The following SKOR2 variants were observed in gnomAD, a reference collection of about 807,000 sequenced individuals.
SKOR2 encodes the protein SKI family transcriptional corepressor 2.
Under a neutral mutation model 69.1 loss-of-function variants are expected in SKOR2, and 47 were observed. The ratio of observed to expected loss-of-function variants is 0.68; its 90% CI spans 0.54 to 0.87. The LOEUF (loss-of-function observed/expected upper bound fraction) is 0.87. SKOR2 is among the 40% of genes least tolerant of loss of function. The pLI is 0.00. For missense variants in SKOR2, 1,404 were observed against 1,472.2 expected, an observed-to-expected ratio of 0.95 and a Z score of 0.76; for synonymous variants, 717 against 672.6, an observed-to-expected ratio of 1.07 and a Z score of -1.02.
Position 47,249,042 on chromosome 18 carries a change from C to A in SKOR2, c.142G>T (p.Gly48Cys). Residue 48 changes from glycine (G) to cysteine (C), a missense_variant, in exon 2 of 9, where the codon GGC becomes TGC. Transcript: ENST00000425639. ...ATCACCAACGACACGATGGGAATGC[C>A]GTAGAGGATCACCTGGCCCACCTGG... ...PNQVGQVILY[G>C]IPIVSLVIDG... is the part of the protein sequence containing the mutation. 6.5e-7 allele frequency: 1 copy of A among 1,538,728 alleles called. No homozygotes were observed. Among genetic ancestry groups the A allele is most frequent in the East Asian group, 2.4e-5 (1 of 41,098 alleles).
At position 47,248,919 on chromosome 18, in the gene SKOR2, T is replaced by C. The variant is rs1410231181; in HGVS notation, c.265A>G (p.Ile89Val). ...EIHNRRVALG[I>V]TCVQCTPVQL... ...ACCGGCGTGCACTGCACACACGTGA[T>C]GCCCAGTGCCACGCGACGGTTGTGG... Residue 89 changes from isoleucine to valine, a missense_variant, in exon 2 of 9, where the codon ATC becomes GTC. Physicochemically the swap from Ile to Val is conservative, Grantham distance 29. Transcript: ENST00000425639. The surrounding 1 kb of genome is among the most constrained non-coding windows in gnomAD (Gnocchi z 6.4). 1.9e-6 allele frequency: 3 copies of C among 1,574,046 alleles called. No homozygotes were observed. In the South Asian group the frequency reaches 3.4e-5, roughly 18 times the overall value.
chr18:47,249,847 TA>T (rs1486946830), intron 1 of SKOR2, among the ~76,000 whole-genome samples: 1 of 152,220 alleles, frequency 6.6e-6, no homozygotes, highest in Non-Finnish European at 1.5e-5. Context: ...TAATTAGAAT[TA>T]TTTTTTTGAA....
chr18:47,245,615 T>C, intron 2 of SKOR2, 54 bp from the exon 3 acceptor site: 4 of 1,438,128 alleles, frequency 2.8e-6, no homozygotes, highest in South Asian at 1.4e-5. Context: ...AACCATATGC[T>C]AATGTCAACA....
intron 1 of SKOR2, 41 bp from the exon 2 acceptor site, chr18:47,249,271 G>T: frequency 7.0e-7 from 1 of 1,423,232 alleles, no homozygotes; most frequent in Non-Finnish European, 9.2e-7. Context: ...AGCCTTTTCA[G>T]ACTAAAACAG....
rs779762792 is a variant in SKOR2, at chr18:47,248,437, C to A, written c.747G>T (p.Ala249=). The change falls in exon 2 of 9, where the codon GCG becomes GCT. Residue 249 remains alanine, a synonymous_variant. Coordinates refer to ENST00000425639, the MANE Select transcript of SKOR2 (RefSeq NM_001278063.4). This position sits in a 1 kb window ranked among gnomAD's most constrained non-coding sequence, Gnocchi z 6.4. ...AGCTGAGCGGGTGGCAGGCGGGGTGCGCGCCCGGCTGGGGCAGTGCGCGCT... is the reference window on the plus strand; with the variant it reads ...AGCTGAGCGGGTGGCAGGCGGGGTGAGCGCCCGGCTGGGGCAGTGCGCGCT... ...SRKRALPQPG[A]HPACHPLSSV... 9.5e-6 allele frequency: 14 copies of A among 1,474,366 alleles called. No homozygotes were observed. The highest frequency in any genetic ancestry group is 1.8e-4 in the Middle Eastern group (1 of 5,652). The allele number at this position is 1,474,366 out of a possible 1,614,324, so 91.3% of individuals were successfully genotyped here.
intron 8 of SKOR2, among the ~76,000 whole-genome samples, chr18:47,209,313 A>G (rs188259448): frequency 2.8e-4 from 42 of 152,296 alleles, no homozygotes; most frequent in Non-Finnish European, 5.1e-4. Context: ...CTTGCATAAG[A>G]CATTAATGCA....
At chr18:47,250,607 A>G (rs2064308156) in intron 1 of SKOR2, among the ~76,000 whole-genome samples, 1 of 152,026 alleles carries the variant, frequency 6.6e-6, no homozygotes, top group Non-Finnish European at 1.5e-5. Context: ...CCCTCACCCA[A>G]TTTCTTATCC....
At chr18:47,225,021 A>G (rs768099430) in intron 6 of SKOR2, among the ~76,000 whole-genome samples, 1 of 152,112 alleles carries the variant, frequency 6.6e-6, no homozygotes, top group African/African-American at 2.4e-5. Context: ...CCTGCACTTC[A>G]TCTCCCAGAG....
At chr18:47,217,186 G>A (rs1263169721) in intron 7 of SKOR2, among the ~76,000 whole-genome samples, 1 of 152,148 alleles carries the variant, frequency 6.6e-6, no homozygotes, top group Non-Finnish European at 1.5e-5. Context: ...ACCTGTAATA[G>A]TTCCACTATT....
chr18:47,232,587 C>T (rs1016273542), intron 4 of SKOR2, among the ~76,000 whole-genome samples: 1 of 152,200 alleles, frequency 6.6e-6, no homozygotes, highest in African/African-American at 2.4e-5. Flanking sequence ...CCCCAGAGTT[C>T]CCTGCACAGG....
In SKOR2 at chr18:47,247,179, GGT is replaced by G; in HGVS notation, c.2003_2004del (p.His668ProfsTer96). 1 of 1,215,366 alleles carries G rather than the reference GGT, an allele frequency of 8.2e-7. No homozygotes were observed. Among genetic ancestry groups the G allele is most frequent in the Non-Finnish European group, 1.0e-6 (1 of 958,290 alleles). The allele number at this position is 1,215,366 out of a possible 1,614,324, so 75.3% of individuals were successfully genotyped here. On this transcript the variant is annotated frameshift_variant, in exon 2 of 9. Coordinates refer to ENST00000425639, the MANE Select transcript of SKOR2 (RefSeq NM_001278063.4). LOFTEE classifies it high-confidence loss of function. The surrounding 1 kb of genome is among the most constrained non-coding windows in gnomAD (Gnocchi z 6.6). ...AGAAGCGGCGACGGCGGCTGCGGGG[GGT>G]GGTGGTGGTGGTGGTGGTGGTGAGG... ...HHPHHHHHHH[H>X]PPQPPSPLLL...
intron 4 of SKOR2, among the ~76,000 whole-genome samples, chr18:47,242,670 C>T (rs921100157): frequency 4.6e-5 from 7 of 151,760 alleles, no homozygotes; most frequent in Admixed American, 6.6e-5. Context: ...AGTAGATAAA[C>T]GAAATTCAGG....
chr18:47,247,336 GCCACCGCCCGCTTTGCGCC>G lies in SKOR2; in HGVS notation c.1829_1847del (p.Gly610AlafsTer166). 6.8e-7 allele frequency: 1 copy of G among 1,475,056 alleles called. No homozygotes were observed. The highest frequency in any genetic ancestry group is 1.3e-5 in the South Asian group (1 of 78,600). The allele number at this position is 1,475,056 out of a possible 1,614,324, so 91.4% of individuals were successfully genotyped here. On this transcript the variant is annotated frameshift_variant, in exon 2 of 9. Transcript: ENST00000425639. LOFTEE classifies it high-confidence loss of function. This position sits in a 1 kb window ranked among gnomAD's most constrained non-coding sequence, Gnocchi z 6.6. Reference sequence around the variant, plus strand: ...GGAAGGCGCTGGAATGGTGGTAGCTGCCACCGCCCGCTTTGCGCCCCTCCAGAAGGTGCGGATGGTGGGG... The same window carrying G: ...GGAAGGCGCTGGAATGGTGGTAGCTGCCTCCAGAAGGTGCGGATGGTGGGG...
chr18:47,246,888 C>T lies in SKOR2; in HGVS notation c.2296G>A (p.Asp766Asn). The change falls in exon 2 of 9, where the codon GAC becomes AAC. Residue 766 changes from aspartate (D) to asparagine (N), a missense_variant. Physicochemically the swap from Asp to Asn is conservative, Grantham distance 23. Coordinates refer to ENST00000425639, the MANE Select transcript of SKOR2 (RefSeq NM_001278063.4). ...EEEEGRDPDD[D>N]EEEDEETEVL... is the part of the protein sequence containing the mutation. The stretch of plus-strand genomic sequence containing the variant: ...TCCGTCTCCTCGTCCTCTTCCTCGT[C>T]GTCGTCAGGGTCTCGACCTTCCTCC... 6.7e-7 allele frequency: 1 copy of T among 1,490,942 alleles called. No individual in the cohort carries two copies. The highest frequency in any genetic ancestry group is 8.9e-7 in the Non-Finnish European group (1 of 1,126,816). 92.4% of individuals were successfully genotyped at this position (1,490,942 alleles called of 1,614,324 possible). A position where few individuals can be genotyped will look rare whatever the true frequency, so the allele number is the denominator to read the frequency against.
intron 1 of SKOR2, among the ~76,000 whole-genome samples, chr18:47,250,681 C>T (rs374477144): frequency 6.6e-6 from 1 of 152,154 alleles, no homozygotes; most frequent in Non-Finnish European, 1.5e-5. Flanking sequence ...CCCCCTGGAT[C>T]CTCAGTTCTC....
At chr18:47,220,973 C>T (rs1330259078) in intron 6 of SKOR2, among the ~76,000 whole-genome samples, 1 of 152,074 alleles carries the variant, frequency 6.6e-6, no homozygotes, top group Non-Finnish European at 1.5e-5. Context: ...TTGTTACCTC[C>T]CACGTGCAGG....
intron 6 of SKOR2, among the ~76,000 whole-genome samples, chr18:47,228,042 C>T: frequency 6.6e-6 from 1 of 152,232 alleles, no homozygotes; most frequent in East Asian, 1.9e-4. Flanking sequence ...GAGAATTCCT[C>T]TATGCTTCTT....
chr18:47,227,301 C>T (rs2144492122), intron 6 of SKOR2, among the ~76,000 whole-genome samples: 1 of 151,272 alleles, frequency 6.6e-6, no homozygotes, highest in East Asian at 1.9e-4. Flanking sequence ...TCCTCATTAA[C>T]CCTTGGAACC....
intron 2 of SKOR2, among the ~76,000 whole-genome samples, chr18:47,245,997 T>TGGAG (rs57971954): frequency 0.37 from 56,372 of 151,782 alleles, 11,039 homozygotes; most frequent in Middle Eastern, 0.47. Context: ...TTTCAGTTGG[T>TGGAG]ACTTTTCCGA....
Sources: gnomAD v4.1 joint callset for allele counts (sites outside exome capture counted in the v4.1 genomes callset) on GRCh38, gnomAD v4.1.1 for gene constraint, Gnocchi (gnomAD v3.1) non-coding constraint, MANE v1.5 for transcripts, NCBI Gene and HGNC (gene_info 2026-07-23, HGNC 2026-07-21) for gene names.